GRHL3: variants seen among roughly 807,000 people sequenced by gnomAD.
GRHL3 encodes grainyhead-like protein 3 homolog.
Under a neutral mutation model 70.3 loss-of-function variants are expected in GRHL3, and 20 were observed. The ratio of observed to expected loss-of-function variants is 0.28; its 90% CI spans 0.20 to 0.41. The LOEUF is 0.41. Among genes scored for constraint, GRHL3 ranks in the 10% least tolerant of loss-of-function variants. The pLI, the probability that GRHL3 is intolerant of heterozygous loss-of-function variation, is 1.00. For missense variants in GRHL3, 637 were observed against 762.3 expected, an observed-to-expected ratio of 0.84 and a Z score of 1.94; for synonymous variants, 299 against 299.9, an observed-to-expected ratio of 1.00 and a Z score of 0.03.
chr1:24,364,307 A>C (rs1348616682), exon 16 of GRHL3: 12 of 1,549,758 alleles, frequency 7.7e-6, no homozygotes, highest in Non-Finnish European at 8.7e-6. Flanking sequence ...AGGCAGAGGG[A>C]CCTGGATTCA....
At chr1:24,338,275 G>A (rs186901314) in intron 7 of GRHL3, among the ~76,000 whole-genome samples, 172 bp downstream of exon 7, 21 of 152,314 alleles carry the variant, frequency 1.4e-4, no homozygotes, top group South Asian at 2.1e-4. Flanking sequence ...AAGTTGTGGC[G>A]TCTTTTCTGT....
intron 2 of GRHL3, among the ~76,000 whole-genome samples, chr1:24,333,719 A>T (rs1045653802): frequency 1.2e-4 from 19 of 152,126 alleles, no homozygotes; most frequent in African/African-American, 4.6e-4. Flanking sequence ...AGAAAGCTGG[A>T]TTCAGAGTCT....
At position 24,325,756 on chromosome 1, in the gene GRHL3, CCCGGCAATTTGCACTT is replaced by C. The variant is rs555196819; in HGVS notation, c.18-5667_18-5652del. 1.3e-3 allele frequency among the ~76,000 whole-genome samples: 196 copies of C among 152,270 alleles called. No individual in the cohort carries two copies. In the East Asian group the frequency reaches 0.015, roughly 11 times the overall value. On this transcript the variant is annotated intron_variant, in intron 1 of 15. Transcript: ENST00000361548. ...CATCCCCTCCTCCCAGAGCACTGGC[CCCGGCAATTTGCACTT>C]CCTCACAGACTGGACGGGAGGCCTC...
rs1043435736 is a variant in GRHL3 at position 24,319,686 on chromosome 1, A to G, written c.17+118A>G. On this transcript the variant is annotated intron_variant, in intron 1 of 15. Transcript: ENST00000361548. Reference sequence around the variant, plus strand: ...GATTCACAGAGCAATTTGTAAGGGTAAATGAATGGGCTGACGATCTTACTT... The same window carrying G: ...GATTCACAGAGCAATTTGTAAGGGTGAATGAATGGGCTGACGATCTTACTT... 3.7e-6 allele frequency: 6 copies of G among 1,603,114 alleles called. No individual in the cohort carries two copies. In the East Asian group the frequency reaches 1.3e-4, roughly 36 times the overall value.
At chr1:24,357,969 A>G (rs868849162), downstream of GRHL3, 1 of 346,108 alleles carries the variant, frequency 2.9e-6, no homozygotes, top group South Asian at 2.2e-5. Flanking sequence ...CTTTCCAAAC[A>G]GGTGGTCACT....
chr1:24,347,091 G>A (rs1301856626), intron 13 of GRHL3, among the ~76,000 whole-genome samples: 1 of 152,214 alleles, frequency 6.6e-6, no homozygotes, highest in Non-Finnish European at 1.5e-5. Context: ...AAGCTCAAAA[G>A]CTTCCAGCAG....
chr1:24,329,671 A>G (rs1444317374), intron 1 of GRHL3, among the ~76,000 whole-genome samples: 2 of 152,198 alleles, frequency 1.3e-5, no homozygotes. Flanking sequence ...GGCCTAACGA[A>G]CAGAGAACAT....
rs1368616877 is a variant in GRHL3, at chr1:24,344,899, A to C, written c.1422A>C (p.Ala474=). The part of the protein sequence containing the change: ...HFSSLQRSGG[A]APSAGPSSSN... ...ATGTCTTTTTCACTTCATTGCAGGC[A>C]GCCCCCTCGGCAGGACCCAGCAGCT... Residue 474 remains alanine (A), a splice_region_variant and synonymous_variant, in exon 12 of 16, where the codon GCA becomes GCC. Coordinates refer to ENST00000361548, the MANE Select transcript of GRHL3 (RefSeq NM_198173.3). The C allele has an allele frequency of 1.9e-6, 3 of 1,613,504 alleles. No individual in the cohort carries two copies. Among genetic ancestry groups the C allele is most frequent in the Non-Finnish European group, 8.5e-7 (1 of 1,179,732 alleles).
chr1:24,345,319 C>T (rs1373077437), intron 12 of GRHL3, among the ~76,000 whole-genome samples: 2 of 145,524 alleles, frequency 1.4e-5, no homozygotes, highest in Non-Finnish European at 3.0e-5. Context: ...CCCCTCTACA[C>T]CTGTGCCCTC....
At chr1:24,363,128 C>T (rs1353131377) in intron 15 of GRHL3, among the ~76,000 whole-genome samples, 3 of 152,196 alleles carry the variant, frequency 2.0e-5, no homozygotes, top group Non-Finnish European at 4.4e-5. Flanking sequence ...CCAAGATTCC[C>T]ACCCTGTTCT....
At chr1:24,339,243 G>T (rs77153550) in intron 7 of GRHL3, among the ~76,000 whole-genome samples, 19,203 of 151,684 alleles carry the variant, frequency 0.13, 1,483 homozygotes, top group African/African-American at 0.22. Context: ...TTGGGGGAGA[G>T]AATGTATGCC....
At chr1:24,341,239 G>A (rs753598022) in intron 8 of GRHL3, among the ~76,000 whole-genome samples, 13 of 152,296 alleles carry the variant, frequency 8.5e-5, no homozygotes, top group Non-Finnish European at 1.8e-4. Flanking sequence ...TAGGCTTTGG[G>A]ATGAGACTTC....
chr1:24,338,280 T>G (rs1051142439), intron 7 of GRHL3, among the ~76,000 whole-genome samples, 177 bp downstream of exon 7: 1 of 152,248 alleles, frequency 6.6e-6, no homozygotes, highest in African/African-American at 2.4e-5. Context: ...GTGGCGTCTT[T>G]TCTGTATTGC....
At chr1:24,324,724 A>G (rs1005940644) in intron 1 of GRHL3, among the ~76,000 whole-genome samples, 3 of 152,182 alleles carry the variant, frequency 2.0e-5, no homozygotes, top group African/African-American at 7.2e-5. Context: ...AAACAGGCAC[A>G]GAGATGTCAG....
intron 1 of GRHL3, among the ~76,000 whole-genome samples, chr1:24,325,884 C>T (rs958613491): frequency 5.3e-5 from 8 of 152,200 alleles, no homozygotes; most frequent in South Asian, 2.1e-4. Flanking sequence ...AGAAGCCAGA[C>T]GGGGAGACTC....
intron 1 of GRHL3, among the ~76,000 whole-genome samples, chr1:24,320,250 C>T (rs374879010): frequency 1.3e-5 from 2 of 152,176 alleles, no homozygotes; most frequent in Admixed American, 6.5e-5. Context: ...TCTGAAGATG[C>T]GTTCAGTAAA....
intron 15 of GRHL3, among the ~76,000 whole-genome samples, chr1:24,362,633 T>C (rs990603434): frequency 3.3e-5 from 5 of 152,338 alleles, no homozygotes; most frequent in Non-Finnish European, 7.3e-5. Context: ...TGATGATCCC[T>C]GTGTCAGCAT....
intron 15 of GRHL3, chr1:24,360,790 A>C: frequency 6.8e-7 from 1 of 1,472,716 alleles, no homozygotes; most frequent in Non-Finnish European, 9.2e-7. Flanking sequence ...TTGATGACCC[A>C]AGAATGACAA....
chr1:24,362,698 G>C (rs577371035), intron 15 of GRHL3, among the ~76,000 whole-genome samples: 105 of 152,298 alleles, frequency 6.9e-4, no homozygotes, highest in African/African-American at 2.5e-3. Context: ...AAGACTGACA[G>C]GGCCCTTCCA....
Sources: gnomAD v4.1 joint callset for allele counts (sites outside exome capture counted in the v4.1 genomes callset) on GRCh38, gnomAD v4.1.1 for gene constraint, MANE v1.5 for transcripts, NCBI Gene and HGNC (gene_info 2026-07-23, HGNC 2026-07-21) for gene names.